RAD18: variants seen among roughly 807,000 people sequenced by gnomAD.
The protein encoded by RAD18 is RAD18 E3 ubiquitin protein ligase, also known as E3 ubiquitin-protein ligase RAD18.
Under a neutral mutation model 60.4 loss-of-function variants are expected in RAD18, and 47 were observed. That is an observed-to-expected ratio of 0.78 (90% CI 0.62 to 0.99). The LOEUF (loss-of-function observed/expected upper bound fraction) is 0.99, where lower values mean the gene tolerates loss of function less well. Among genes scored for constraint, RAD18 ranks in the 50% least tolerant of loss-of-function variants. RAD18 has a pLI of 0.00. For missense variants in RAD18, 640 were observed against 593.3 expected, an observed-to-expected ratio of 1.08 and a Z score of -0.82; for synonymous variants, 225 against 195.5, an observed-to-expected ratio of 1.15 and a Z score of -1.26.
chr3:8,948,582 A>G lies in RAD18; in HGVS notation c.134-12T>C, dbSNP rs1940875467. ...ACAGAGAGAGCAGTCTGCAAAACAC[A>G]AAGTGCAACATAATGTTAATTAAGC... On this transcript the variant is annotated splice_polypyrimidine_tract_variant and intron_variant, in intron 2 of 12. Coordinates refer to ENST00000264926, the MANE Select transcript of RAD18 (RefSeq NM_020165.4). 6.3e-7 allele frequency: 1 copy of G among 1,596,860 alleles called. No individual in the cohort carries two copies. The highest frequency in any genetic ancestry group is 1.3e-5 in the African/African-American group (1 of 74,626).
chr3:8,911,216 C>T (rs1432070608), intron 9 of RAD18, among the ~76,000 whole-genome samples: 2 of 152,272 alleles, frequency 1.3e-5, no homozygotes. Context: ...TTTTAGATAT[C>T]TAAATGGTGG....
rs1939386809 is a variant in RAD18 at position 8,877,721 on chromosome 3, A to G, written c.*3636T>C. 6.6e-6 allele frequency: 1 copy of G among 152,188 alleles called. No homozygotes were observed. Among genetic ancestry groups the G allele is most frequent in the African/African-American group, 2.4e-5 (1 of 41,448 alleles). The allele number at this position is 152,188 out of a possible 1,614,324, so 9.4% of individuals were successfully genotyped here. A position where few individuals can be genotyped will look rare whatever the true frequency, so the allele number is the denominator to read the frequency against. On this transcript the variant is annotated 3_prime_UTR_variant, in exon 13 of 13. Coordinates refer to ENST00000264926, the MANE Select transcript of RAD18 (RefSeq NM_020165.4). The stretch of plus-strand genomic sequence containing the variant: ...TCTGATCTACAAGCTCCATCAGGGC[A>G]GGAACTGTCTTTGTTTTGCACATTA...
intron 11 of RAD18, among the ~76,000 whole-genome samples, chr3:8,890,961 C>T (rs1939674927): frequency 6.6e-6 from 1 of 151,950 alleles, no homozygotes; most frequent in East Asian, 1.9e-4. Flanking sequence ...TCCTAAGCAG[C>T]CTTTTTACAC....
chr3:8,907,059 C>G (rs528319340), intron 9 of RAD18, among the ~76,000 whole-genome samples: 1 of 152,296 alleles, frequency 6.6e-6, no homozygotes, highest in East Asian at 1.9e-4. Flanking sequence ...GTTTCTCCTT[C>G]CAGTACTATG....
intron 2 of RAD18, among the ~76,000 whole-genome samples, chr3:8,950,498 G>T (rs115361187): frequency 2.0e-5 from 3 of 152,274 alleles, no homozygotes; most frequent in African/African-American, 7.2e-5. Flanking sequence ...ACTGAGGAGC[G>T]TTAGTAACAT....
At chr3:8,960,922 A>C (rs562044341) in intron 1 of RAD18, among the ~76,000 whole-genome samples, 1 of 152,228 alleles carries the variant, frequency 6.6e-6, no homozygotes, top group East Asian at 1.9e-4. Flanking sequence ...TATGCCAAAA[A>C]CAGTAAATTT....
chr3:8,915,585 CTTTTTTTTT>C, intron 7 of RAD18, among the ~76,000 whole-genome samples: 1 of 139,912 alleles, frequency 7.1e-6, no homozygotes, highest in East Asian at 2.1e-4. Flanking sequence ...GGCTATTTTC[CTTTTTTTTT>C]TTTTTTTGAG....
chr3:8,936,000 G>T lies in RAD18; in HGVS notation c.760C>A (p.Arg254Ser), dbSNP rs775651620. The change falls in exon 7 of 13, where the codon CGT (arginine) becomes AGT (serine). Residue 254 changes from arginine to serine, a missense_variant. Transcript: ENST00000264926. ...TCTTTTAGCTTTTTCTTTAAATCAC[G>T]ATCAGAGAGCAAATTATATACAGTT... is the stretch of plus-strand genomic sequence containing the variant. ...PKTVYNLLSDRDLKKKLKEHG... is the reference protein window; with the variant it reads ...PKTVYNLLSDSDLKKKLKEHG... 3.1e-6 allele frequency: 5 copies of T among 1,609,272 alleles called. No individual in the cohort carries two copies. Among genetic ancestry groups the T allele is most frequent in the Admixed American group, 1.7e-5 (1 of 59,402 alleles).
chr3:8,916,454 G>T (rs1940201338), intron 7 of RAD18, among the ~76,000 whole-genome samples: 1 of 152,172 alleles, frequency 6.6e-6, no homozygotes, highest in Non-Finnish European at 1.5e-5. Context: ...AACCTAAGTT[G>T]TGAGTGATAT....
At chr3:8,917,570 A>T (rs1940227450) in intron 7 of RAD18, among the ~76,000 whole-genome samples, 1 of 152,184 alleles carries the variant, frequency 6.6e-6, no homozygotes, top group African/African-American at 2.4e-5. Context: ...CTGTATAATT[A>T]CTTGACTGTA....
At chr3:8,900,831 C>A (rs1457077910) in intron 10 of RAD18, among the ~76,000 whole-genome samples, 2 of 152,096 alleles carry the variant, frequency 1.3e-5, no homozygotes, top group Non-Finnish European at 2.9e-5. Context: ...TCATGCACAG[C>A]AATCTAAAAG....
In RAD18 at chr3:8,914,934, C is replaced by A. The variant is rs571946505; in HGVS notation, c.890-1214G>T. Among the ~76,000 whole-genome samples the A allele has an allele frequency of 5.9e-5, 9 of 152,016 alleles. No homozygotes were observed. In the East Asian group the frequency reaches 1.4e-3, roughly 23 times the overall value. On this transcript the variant is annotated intron_variant, in intron 7 of 12. Coordinates refer to ENST00000264926, the MANE Select transcript of RAD18 (RefSeq NM_020165.4). ...CGGGTGGATCACGAGGTCAGGAGATCGAGACCATCCTGGCTAACACGATGA... is the reference window on the plus strand; with the variant it reads ...CGGGTGGATCACGAGGTCAGGAGATAGAGACCATCCTGGCTAACACGATGA...
intron 6 of RAD18, among the ~76,000 whole-genome samples, chr3:8,937,613 C>G (rs1231559742): frequency 6.6e-6 from 1 of 151,798 alleles, no homozygotes; most frequent in Non-Finnish European, 1.5e-5. Flanking sequence ...GACTCCGTGG[C>G]CAAGATACAA....
intron 12 of RAD18, among the ~76,000 whole-genome samples, chr3:8,889,770 C>T (rs371152773): frequency 6.6e-6 from 1 of 151,982 alleles, no homozygotes; most frequent in Non-Finnish European, 1.5e-5. Flanking sequence ...TTAAAGAGTC[C>T]CTTCTTGAAC....
chr3:8,949,802 G>A (rs750009393), intron 2 of RAD18, among the ~76,000 whole-genome samples: 25 of 152,128 alleles, frequency 1.6e-4, no homozygotes, highest in African/African-American at 1.4e-4. Flanking sequence ...TGTAATTGAC[G>A]AATTGCTGGC....
chr3:8,893,022 C>T (rs1224474247), intron 11 of RAD18, among the ~76,000 whole-genome samples: 2 of 152,104 alleles, frequency 1.3e-5, no homozygotes, highest in East Asian at 1.9e-4. Flanking sequence ...GAGCTTGGTA[C>T]GCAGTAAATG....
In RAD18 at chr3:8,941,595, G is replaced by A. The variant is rs1373140219; in HGVS notation, c.476C>T (p.Pro159Leu). Residue 159 changes from proline (P) to leucine (L), a missense_variant, in exon 5 of 13, where the codon CCT becomes CTT. Transcript: ENST00000264926. ...LIKENKSKFS[P>L]QKEASPAAKT... Reference sequence around the variant, plus strand: ...TGCAGCAGGGCTCGCCTCTTTTTGAGGGCTGAATTTGCTTTTATTTTCTTT... The same window carrying A: ...TGCAGCAGGGCTCGCCTCTTTTTGAAGGCTGAATTTGCTTTTATTTTCTTT... 1.2e-6 allele frequency: 2 copies of A among 1,614,082 alleles called. No individual in the cohort carries two copies. The highest frequency in any genetic ancestry group is 1.7e-6 in the Non-Finnish European group (2 of 1,179,996).
intron 12 of RAD18, among the ~76,000 whole-genome samples, chr3:8,884,738 G>A (rs977779872): frequency 2.6e-5 from 4 of 152,150 alleles, no homozygotes; most frequent in Non-Finnish European, 5.9e-5. Flanking sequence ...TTCCTTAGCA[G>A]GGGAGTTCCT....
At chr3:8,900,859 C>T (rs1444734015) in intron 10 of RAD18, among the ~76,000 whole-genome samples, 2 of 152,116 alleles carry the variant, frequency 1.3e-5, no homozygotes, top group African/African-American at 2.4e-5. Context: ...CACCTCTGAA[C>T]CCCGGAAAGA....
Sources: gnomAD v4.1 joint callset for allele counts (sites outside exome capture counted in the v4.1 genomes callset) on GRCh38, gnomAD v4.1.1 for gene constraint, MANE v1.5 for transcripts, NCBI Gene and HGNC (gene_info 2026-07-23, HGNC 2026-07-21) for gene names.